The following CDC16 variants were observed in gnomAD, a reference collection of about 807,000 sequenced individuals.
CDC16 encodes the protein cell division cycle 16.
A neutral mutation model predicts 87.0 loss-of-function variants in CDC16; 34 were observed. The ratio of observed to expected loss-of-function variants is 0.39; its 90% CI spans 0.30 to 0.52. The LOEUF (loss-of-function observed/expected upper bound fraction) is 0.52. CDC16 is among the 20% of genes least tolerant of loss of function. The pLI, the probability that CDC16 is intolerant of heterozygous loss-of-function variation, is 0.74. For missense variants in CDC16, 653 were observed against 751.9 expected, an observed-to-expected ratio of 0.87 and a Z score of 1.54; for synonymous variants, 263 against 260.6, an observed-to-expected ratio of 1.01 and a Z score of -0.09.
intron 12 of CDC16, 27 bp downstream of exon 12, chr13:114,250,701 C>A: frequency 6.2e-7 from 1 of 1,607,096 alleles, no homozygotes; most frequent in Non-Finnish European, 8.5e-7. Flanking sequence ...TCATCAAACT[C>A]CATGAAGGGA....
chr13:114,263,570 A>G (rs1316910306), intron 16 of CDC16, among the ~76,000 whole-genome samples: 1 of 152,224 alleles, frequency 6.6e-6, no homozygotes, highest in African/African-American at 2.4e-5. Context: ...GCAGATTTGT[A>G]TTACTCTAGT....
At chr13:114,238,456 G>A (rs1445104971) in intron 3 of CDC16, among the ~76,000 whole-genome samples, 3 of 148,010 alleles carry the variant, frequency 2.0e-5, no homozygotes, top group Non-Finnish European at 3.0e-5. Context: ...GAGCTGCTGC[G>A]AGCTCCTCGG....
chr13:114,245,877 A>G (rs971464398), intron 9 of CDC16, 123 bp from the exon 10 acceptor site: 28 of 636,050 alleles, frequency 4.4e-5, no homozygotes, highest in Middle Eastern at 2.9e-4. Context: ...CTAGAAGGAA[A>G]GACAAGTATG....
chr13:114,259,796 A>T (rs1004818046), intron 14 of CDC16, among the ~76,000 whole-genome samples: 1 of 152,194 alleles, frequency 6.6e-6, no homozygotes, highest in South Asian at 2.1e-4. Flanking sequence ...AGCAGGTCCC[A>T]CTTCTGAAAG....
intron 3 of CDC16, among the ~76,000 whole-genome samples, chr13:114,237,130 C>T (rs2081293151): frequency 1.3e-5 from 2 of 151,284 alleles, no homozygotes; most frequent in South Asian, 4.2e-4. Flanking sequence ...GAGGCTGAGG[C>T]AGAGAATTAC....
intron 13 of CDC16, among the ~76,000 whole-genome samples, 189 bp downstream of exon 13, chr13:114,257,419 C>G (rs2082569910): frequency 6.6e-6 from 1 of 152,114 alleles, no homozygotes; most frequent in Non-Finnish European, 1.5e-5. Flanking sequence ...ATTCTAAACC[C>G]AGGTTTTGGT....
intron 13 of CDC16, among the ~76,000 whole-genome samples, chr13:114,258,326 C>T (rs1393586821): frequency 6.6e-6 from 1 of 152,210 alleles, no homozygotes. Context: ...TGGGAGAAAG[C>T]TGGGTCTCCT....
At chr13:114,257,328 A>G (rs1251141634) in intron 13 of CDC16, 98 bp downstream of exon 13, 10 of 722,074 alleles carry the variant, frequency 1.4e-5, no homozygotes, top group Admixed American at 2.9e-5. Context: ...TCTTCAGTAG[A>G]TTTGTACTTT....
At chr13:114,271,770 C>T (rs867231464) in intron 17 of CDC16, among the ~76,000 whole-genome samples, 9 of 152,086 alleles carry the variant, frequency 5.9e-5, no homozygotes, top group East Asian at 5.8e-4. Flanking sequence ...TGTGAGCCAC[C>T]GCGCCTGGCC....
chr13:114,244,120 C>G (rs2081715351), intron 8 of CDC16, 131 bp downstream of exon 8: 1 of 639,234 alleles, frequency 1.6e-6, no homozygotes, highest in Admixed American at 2.9e-5. Flanking sequence ...AATTGTAGAG[C>G]ACTGAACAGG....
At chr13:114,260,719 T>C (rs1012692599) in intron 14 of CDC16, among the ~76,000 whole-genome samples, 18 of 152,200 alleles carry the variant, frequency 1.2e-4, no homozygotes, top group Admixed American at 1.1e-3. Flanking sequence ...GGGGAAAATA[T>C]TGACTTTATT....
chr13:114,259,928 C>T (rs992480572), intron 14 of CDC16, among the ~76,000 whole-genome samples: 5 of 152,124 alleles, frequency 3.3e-5, no homozygotes, highest in South Asian at 2.1e-4. Flanking sequence ...TGAACGATCC[C>T]GTGAATTGGT....
At chr13:114,239,749 T>G (rs1020264064) in intron 5 of CDC16, among the ~76,000 whole-genome samples, 2 of 152,240 alleles carry the variant, frequency 1.3e-5, no homozygotes, top group African/African-American at 4.8e-5. Context: ...TGCCTTAAGC[T>G]ACTCCCTAAA....
At chr13:114,244,831 C>G (rs957746771) in intron 8 of CDC16, 59 bp from the exon 9 acceptor site, 1 of 998,904 alleles carries the variant, frequency 1.0e-6, no homozygotes, top group African/African-American at 1.6e-5. Flanking sequence ...CATAGCCGAT[C>G]GTCGTGAGTG....
At chr13:114,259,582 T>C (rs773241088) in intron 14 of CDC16, among the ~76,000 whole-genome samples, 184 bp downstream of exon 14, 83 of 152,246 alleles carry the variant, frequency 5.5e-4, no homozygotes, top group Middle Eastern at 3.2e-3. Context: ...ATGAGTTTTT[T>C]CCCTAAGAGG....
intron 11 of CDC16, among the ~76,000 whole-genome samples, chr13:114,248,414 C>G (rs545650143): frequency 7.2e-5 from 11 of 152,210 alleles, no homozygotes; most frequent in Non-Finnish European, 1.5e-4. Context: ...GGCGTGGTGG[C>G]TCACGCCTGT....
chr13:114,234,993 A>C lies in CDC16; in HGVS notation c.-92A>C. The C allele has an allele frequency of 2.3e-6, 2 of 872,520 alleles. No homozygotes were observed. The highest frequency in any genetic ancestry group is 5.1e-5 in the South Asian group (1 of 19,624). The allele number at this position is 872,520 out of a possible 1,614,324, so 54.0% of individuals were successfully genotyped here. On this transcript the variant is annotated 5_prime_UTR_variant, in exon 1 of 18. Coordinates refer to ENST00000356221, the MANE Select transcript of CDC16 (RefSeq NM_001078645.3). ...GTCCTGGGGCGGCGGCGGCGGCTGC[A>C]GGCACGGGCACGGGCACGGGGCGGG...
In CDC16 at chr13:114,243,244, C is replaced by T. The variant is rs2081651300; in HGVS notation, c.542-13C>T. 8.1e-7 allele frequency: 1 copy of T among 1,235,514 alleles called. No homozygotes were observed. Among genetic ancestry groups the T allele is most frequent in the Non-Finnish European group, 1.2e-6 (1 of 844,250 alleles). 76.5% of individuals were successfully genotyped at this position (1,235,514 alleles called of 1,614,324 possible). A position where few individuals can be genotyped will look rare whatever the true frequency, so the allele number is the denominator to read the frequency against. ...ATTATGAGGATATTCTTTTTTTTCT[C>T]ACCATTTTTAAGAAAAAGAACTTCT... On this transcript the variant is annotated splice_polypyrimidine_tract_variant and intron_variant, in intron 6 of 17. Transcript: ENST00000356221.
chr13:114,240,912 CATT>C (rs1594562807), intron 5 of CDC16, among the ~76,000 whole-genome samples: 2 of 152,048 alleles, frequency 1.3e-5, no homozygotes, highest in Non-Finnish European at 2.9e-5. Context: ...ATTTGCAACG[CATT>C]ATTATTTATT....
Sources: allele counts gnomAD v4.1 joint callset (sites outside exome capture counted in the v4.1 genomes callset), GRCh38; gene constraint gnomAD v4.1.1; transcripts MANE v1.5; gene names NCBI Gene and HGNC (gene_info 2026-07-23, HGNC 2026-07-21).